Variants in HMG20A observed in about 807,000 individuals in gnomAD.
HMG20A encodes high mobility group 20A.
In HMG20A, 17 loss-of-function variants were observed where a neutral mutation model predicts 43.9. That is an observed-to-expected ratio of 0.39 (90% confidence interval 0.27 to 0.58). The LOEUF (loss-of-function observed/expected upper bound fraction) is 0.58. HMG20A is among the 20% of genes least tolerant of loss of function. The pLI is 0.59. For missense variants in HMG20A, 341 were observed against 438.2 expected (o/e 0.78, Z 1.98); for synonymous variants, 132 against 147.5 (o/e 0.89, Z 0.76).
chr15:77,423,697 C>T (rs2073394787), intron 1 of HMG20A, among the ~76,000 whole-genome samples: 1 of 152,266 alleles, frequency 6.6e-6, no homozygotes, highest in Admixed American at 6.5e-5. Context: ...AGATGTTATA[C>T]ATAATACAGA....
At chr15:77,439,702 C>G (rs942253557) in intron 1 of HMG20A, among the ~76,000 whole-genome samples, 7 of 152,152 alleles carry the variant, frequency 4.6e-5, no homozygotes, top group African/African-American at 1.7e-4. Context: ...CATTCGCATA[C>G]ATGTCTTCTG....
chr15:77,493,113 T>C, the HMG20A span, among the ~76,000 whole-genome samples: 1 of 152,188 alleles, frequency 6.6e-6, no homozygotes, highest in Non-Finnish European at 1.5e-5. Context: ...GTAACAATTC[T>C]TGCTTTCATG....
intron 1 of HMG20A, among the ~76,000 whole-genome samples, chr15:77,437,529 C>T (rs1023624400): frequency 1.3e-5 from 2 of 152,102 alleles, no homozygotes; most frequent in Non-Finnish European, 2.9e-5. Flanking sequence ...TTTATTTAAG[C>T]CCCCACAGAG....
At chr15:77,489,118 C>T (rs572326482), downstream of HMG20A, among the ~76,000 whole-genome samples, 3 of 152,224 alleles carry the variant, frequency 2.0e-5, no homozygotes, top group African/African-American at 4.8e-5. Flanking sequence ...ATGTAAAACA[C>T]TTAGAATAGT....
chr15:77,501,942 T>C, the HMG20A span, among the ~76,000 whole-genome samples: 1 of 152,202 alleles, frequency 6.6e-6, no homozygotes. Context: ...TGGCATGATC[T>C]GGCCCCAGCA....
At chr15:77,440,305 A>G (rs1316142716) in intron 1 of HMG20A, among the ~76,000 whole-genome samples, 1 of 152,224 alleles carries the variant, frequency 6.6e-6, no homozygotes, top group Admixed American at 6.5e-5. Context: ...TTGTGGTATT[A>G]AACTAGATAA....
At chr15:77,504,276 G>A in the HMG20A span, among the ~76,000 whole-genome samples, 1 of 152,214 alleles carries the variant, frequency 6.6e-6, no homozygotes, top group South Asian at 2.1e-4. Flanking sequence ...TGGGCTCTTT[G>A]TCTGCCGCTC....
chr15:77,477,932 G>A (rs983837308), intron 7 of HMG20A, among the ~76,000 whole-genome samples: 2 of 152,170 alleles, frequency 1.3e-5, no homozygotes, highest in African/African-American at 4.8e-5. Context: ...TCCCATTGTG[G>A]TAAAGATGGG....
the HMG20A span, among the ~76,000 whole-genome samples, chr15:77,492,354 T>C: frequency 6.6e-6 from 1 of 152,250 alleles, no homozygotes; most frequent in African/African-American, 2.4e-5. Context: ...TACTGGGGCT[T>C]GTTGCCAATG....
chr15:77,490,896 T>G, the HMG20A span, among the ~76,000 whole-genome samples: 1 of 152,188 alleles, frequency 6.6e-6, no homozygotes, highest in Non-Finnish European at 1.5e-5. Context: ...CTGTGGTTCC[T>G]TGAGATTCTA....
At chr15:77,465,681 C>T (rs967558721) in intron 3 of HMG20A, among the ~76,000 whole-genome samples, 1 of 152,130 alleles carries the variant, frequency 6.6e-6, no homozygotes, top group Non-Finnish European at 1.5e-5. Context: ...AGGTGTGAAC[C>T]ACCGTGCCAG....
intron 1 of HMG20A, 199 bp from the exon 2 acceptor site, chr15:77,458,205 G>A (rs1370737890): frequency 3.9e-5 from 17 of 436,292 alleles, no homozygotes; most frequent in Admixed American, 3.8e-4. Flanking sequence ...AGTCTGGTCA[G>A]TTGATAAGAC....
In HMG20A at chr15:77,479,300, C is replaced by T. The variant is rs769279168; in HGVS notation, c.1029C>T (p.Asn343=). 25 of 1,613,824 alleles carry T rather than the reference C, an allele frequency of 1.5e-5. No individual in the cohort carries two copies. The East Asian group carries it at 5.6e-4, about 36-fold the overall frequency. ...TAGCTACAGTTCGAGAAGTTGTGAA[C>T]AGACTCGATCGTTAGGGAATGGTGA... is the stretch of plus-strand genomic sequence containing the variant. ...NFIATVREVV[N]RLDR is the part of the protein sequence containing the mutation. The change falls in exon 9 of 10, where the codon AAC becomes AAT. Residue 343 remains asparagine (N), a synonymous_variant. Coordinates refer to ENST00000336216, the MANE Select transcript of HMG20A (RefSeq NM_001304504.2).
Position 77,485,397 on chromosome 15 carries a change from A to G in HMG20A, c.*2434A>G, listed in dbSNP as rs1007250231. 1 of 152,688 alleles carries G rather than the reference A, an allele frequency of 6.5e-6. No individual in the cohort carries two copies. Among genetic ancestry groups the G allele is most frequent in the African/African-American group, 2.4e-5 (1 of 41,472 alleles). 9.5% of individuals were successfully genotyped at this position (152,688 alleles called of 1,614,324 possible). ...ATTTCTTTGTTTCTTTTTAATTAAA[A>G]TACAAGAAGCAGCTGAGGAAAGGGA... On this transcript the variant is annotated 3_prime_UTR_variant, in exon 10 of 10. Transcript: ENST00000336216.
rs1207337820 is a variant in HMG20A at position 77,483,526 on chromosome 15, C to T, written c.*563C>T. 2 of 152,746 alleles carry T rather than the reference C, an allele frequency of 1.3e-5. No individual in the cohort carries two copies. The highest frequency in any genetic ancestry group is 4.8e-5 in the African/African-American group (2 of 41,442). The allele number at this position is 152,746 out of a possible 1,614,324, so 9.5% of individuals were successfully genotyped here. A position where few individuals can be genotyped will look rare whatever the true frequency, so the allele number is the denominator to read the frequency against. On this transcript the variant is annotated 3_prime_UTR_variant, in exon 10 of 10. Coordinates refer to ENST00000336216, the MANE Select transcript of HMG20A (RefSeq NM_001304504.2). The stretch of plus-strand genomic sequence containing the variant: ...TGCATTGGACAGGCCCAGTCTTCTC[C>T]CATCATTGCCCTGCTGTGACTCCAA...
the HMG20A span, among the ~76,000 whole-genome samples, chr15:77,509,984 G>A: frequency 6.6e-6 from 1 of 151,800 alleles, no homozygotes; most frequent in Non-Finnish European, 1.5e-5. Context: ...ATGTTGGAAA[G>A]GCTGGCCTGT....
chr15:77,505,816 T>C, the HMG20A span, among the ~76,000 whole-genome samples: 1 of 152,158 alleles, frequency 6.6e-6, no homozygotes, highest in East Asian at 1.9e-4. Context: ...CTCCCGGGAG[T>C]AGATGGCAGA....
the HMG20A span, among the ~76,000 whole-genome samples, chr15:77,498,633 G>T: frequency 3.2e-3 from 483 of 152,228 alleles, 2 homozygotes; most frequent in African/African-American, 0.011. Context: ...GTTAGCACTG[G>T]TGCAGCCTGA....
intron 1 of HMG20A, among the ~76,000 whole-genome samples, chr15:77,455,961 T>C (rs1287055814): frequency 2.6e-5 from 4 of 152,192 alleles, no homozygotes; most frequent in African/African-American, 9.7e-5. Flanking sequence ...TTCATTTCCT[T>C]CTTTTGTTGA....
Sources: gnomAD v4.1 joint callset for allele counts (sites outside exome capture counted in the v4.1 genomes callset) on GRCh38, gnomAD v4.1.1 for gene constraint, MANE v1.5 for transcripts, NCBI Gene and HGNC (gene_info 2026-07-23, HGNC 2026-07-21) for gene names.